Variants in MBNL3 observed in about 807,000 individuals in gnomAD.
MBNL3 encodes the protein muscleblind like splicing regulator 3.
Under a neutral mutation model 24.5 loss-of-function variants are expected in MBNL3, and 6 were observed. That is an observed-to-expected ratio of 0.25 (90% CI 0.13 to 0.48). The LOEUF is 0.48. Ranked by LOEUF, MBNL3 falls within the 20% of genes least tolerant of loss-of-function variation. The pLI is 0.99. For missense variants in MBNL3, 230 were observed against 293.5 expected, an observed-to-expected ratio of 0.78 and a Z score of 1.58; for synonymous variants, 100 against 101.7, an observed-to-expected ratio of 0.98 and a Z score of 0.10.
chrX:132,396,841 TATATAC>T (rs1409898681), intron 3 of MBNL3, among the ~76,000 whole-genome samples: 3 of 58,584 alleles, frequency 5.1e-5, no homozygotes, highest in East Asian at 9.0e-4. Context: ...TATATATTCA[TATATAC>T]ATATATATTC....
Position 132,396,544 on chromosome X carries a change from T to G in MBNL3, c.343-4210A>C, listed in dbSNP as rs755816888. On this transcript the variant is annotated intron_variant, in intron 3 of 8. Coordinates refer to ENST00000370853, the MANE Select transcript of MBNL3 (RefSeq NM_001386889.1). ...TTCATATATATATTCATATATATATTCCTATATATTCCTATATATATTCCT... is the reference window on the plus strand; with the variant it reads ...TTCATATATATATTCATATATATATGCCTATATATTCCTATATATATTCCT... Among the ~76,000 whole-genome samples the G allele has an allele frequency of 2.2e-4, 12 of 55,171 alleles. No individual in the cohort carries two copies. The East Asian group carries it at 5.8e-3, about 27-fold the overall frequency. The allele number at this position is 55,171 out of a possible 115,157, so 47.9% of individuals were successfully genotyped here. A position where few individuals can be genotyped will look rare whatever the true frequency, so the allele number is the denominator to read the frequency against.
intron 5 of MBNL3, among the ~76,000 whole-genome samples, chrX:132,389,174 T>C (rs1251766927): frequency 2.7e-5 from 3 of 112,244 alleles, no homozygotes; most frequent in Non-Finnish European, 5.6e-5. Flanking sequence ...AAGAATTTGG[T>C]AAAGTCTTTT....
At chrX:132,459,412 A>G (rs2148492912) in intron 1 of MBNL3, among the ~76,000 whole-genome samples, 1 of 111,256 alleles carries the variant, frequency 9.0e-6, no homozygotes, top group Admixed American at 9.6e-5. Flanking sequence ...ATATATTTAA[A>G]GGTCTTATAG....
In MBNL3 at chrX:132,392,279, G is replaced by C. The variant is rs1294465897; in HGVS notation, c.398C>G (p.Pro133Arg). 8.3e-7 allele frequency: 1 copy of C among 1,209,075 alleles called. No individual in the cohort carries two copies. The highest frequency in any genetic ancestry group is 1.8e-5 in the South Asian group (1 of 56,507). Residue 133 changes from proline (P) to arginine (R), a missense_variant, in exon 4 of 9, where the codon CCT becomes CGT. Pro to Arg is a moderately radical substitution (Grantham distance 103). Coordinates refer to ENST00000370853, the MANE Select transcript of MBNL3 (RefSeq NM_001386889.1). ...IPANPPMAFN[P>R]YIPHPGMGLV... ...GCCCATCCCAGGATGTGGTATGTAA[G>C]GATTGAAAGCCATGGGAGGATTAGC... is the stretch of plus-strand genomic sequence containing the variant.
chrX:132,401,679 C>A (rs1940961329), intron 3 of MBNL3, among the ~76,000 whole-genome samples: 1 of 109,588 alleles, frequency 9.1e-6, no homozygotes, highest in South Asian at 3.9e-4. Context: ...TAAAATTGTT[C>A]TAGTCCTAAG....
In MBNL3 at chrX:132,375,631, G is replaced by A. The variant is rs1442828129; in HGVS notation, c.*4035C>T. ...GCTATTTATTCTAGTGCCTTCTACA[G>A]GCACTGGTTAAACAAGGCTACTGTC... On this transcript the variant is annotated 3_prime_UTR_variant, in exon 9 of 9. Coordinates refer to ENST00000370853, the MANE Select transcript of MBNL3 (RefSeq NM_001386889.1). The A allele has an allele frequency of 9.0e-6, 1 of 111,658 alleles. No homozygotes were observed. Among genetic ancestry groups the A allele is most frequent in the African/African-American group, 3.2e-5 (1 of 30,816 alleles). The allele number at this position is 111,658 out of a possible 1,213,427, so 9.2% of individuals were successfully genotyped here.
At chrX:132,429,362 A>G (rs960281607) in intron 2 of MBNL3, among the ~76,000 whole-genome samples, 2 of 111,896 alleles carry the variant, frequency 1.8e-5, no homozygotes, top group Non-Finnish European at 3.8e-5. Context: ...CACAGTTACA[A>G]TCCCCAGTTC....
intron 4 of MBNL3, among the ~76,000 whole-genome samples, chrX:132,391,910 C>A (rs941842944): frequency 8.9e-6 from 1 of 111,953 alleles, no homozygotes; most frequent in East Asian, 2.8e-4. Context: ...GCTTCCTGTG[C>A]CATCGCACAG....
chrX:132,476,631 G>C (rs1003802453), intron 1 of MBNL3, among the ~76,000 whole-genome samples: 4 of 111,865 alleles, frequency 3.6e-5, no homozygotes, highest in African/African-American at 1.3e-4. Flanking sequence ...ATACCTTAAA[G>C]TTTCAAATGT....
chrX:132,458,215 A>G (rs1377369699), intron 1 of MBNL3, among the ~76,000 whole-genome samples: 1 of 110,865 alleles, frequency 9.0e-6, no homozygotes, highest in East Asian at 2.8e-4. Context: ...TCATGTTTAC[A>G]TTTTATTTTC....
chrX:132,482,489 G>A (rs957253323), intron 1 of MBNL3, among the ~76,000 whole-genome samples: 2 of 111,042 alleles, frequency 1.8e-5, no homozygotes, highest in African/African-American at 3.3e-5. Flanking sequence ...TATGGCGAGC[G>A]GGACCTACCC....
intron 2 of MBNL3, chrX:132,430,640 A>G (rs1013856739): frequency 4.5e-5 from 5 of 112,275 alleles, no homozygotes; most frequent in African/African-American, 1.6e-4. Context: ...TGGCAGGAAC[A>G]TCACAGAAAT....
chrX:132,463,391 G>A lies in MBNL3; in HGVS notation c.-703-23077C>T, dbSNP rs772560764. On this transcript the variant is annotated intron_variant, in intron 1 of 8. Transcript: ENST00000370853. ...GCAGGAGAATCGCTTGAACCCGGGC[G>A]GGGCAGAGCTTGCAGTGAGCCGAGA... Among the ~76,000 whole-genome samples the A allele has an allele frequency of 4.4e-4, 49 of 110,421 alleles. 1 individual carries two copies. In the East Asian group the frequency reaches 0.013, roughly 29 times the overall value.
intron 3 of MBNL3, among the ~76,000 whole-genome samples, chrX:132,402,713 T>C (rs1030139143): frequency 4.5e-5 from 5 of 111,987 alleles, no homozygotes; most frequent in African/African-American, 9.7e-5. Flanking sequence ...ACCTGTTTAA[T>C]AGAGTGAACA....
intron 1 of MBNL3, among the ~76,000 whole-genome samples, chrX:132,455,847 A>G (rs1313150011): frequency 8.9e-6 from 1 of 112,049 alleles, no homozygotes; most frequent in African/African-American, 3.2e-5. Context: ...CTGAGTTATA[A>G]AGATTCATTG....
In MBNL3 at chrX:132,369,552, T is replaced by C. The variant is rs1285472570; in HGVS notation, c.*10114A>G. The C allele has an allele frequency of 9.0e-6, 1 of 111,396 alleles. No homozygotes were observed. Among genetic ancestry groups the C allele is most frequent in the Non-Finnish European group, 1.9e-5 (1 of 53,061 alleles). 9.2% of individuals were successfully genotyped at this position (111,396 alleles called of 1,213,427 possible). A position where few individuals can be genotyped will look rare whatever the true frequency, so the allele number is the denominator to read the frequency against. Reference sequence around the variant, plus strand: ...TCTTGAAAACTACATTGAACCTCTATGGGTTAATCATCGTCTTCTGTAGCC... The same window carrying C: ...TCTTGAAAACTACATTGAACCTCTACGGGTTAATCATCGTCTTCTGTAGCC... On this transcript the variant is annotated 3_prime_UTR_variant, in exon 9 of 9. Coordinates refer to ENST00000370853, the MANE Select transcript of MBNL3 (RefSeq NM_001386889.1).
chrX:132,415,789 GT>G (rs747606894), intron 2 of MBNL3, among the ~76,000 whole-genome samples: 10 of 111,784 alleles, frequency 8.9e-5, no homozygotes, highest in Admixed American at 9.5e-5. Flanking sequence ...CATGCAGAAA[GT>G]TTTTACTTGG....
intron 2 of MBNL3, chrX:132,411,209 C>T: frequency 2.7e-6 from 2 of 754,353 alleles, no homozygotes; most frequent in Non-Finnish European, 3.1e-6. Context: ...GCTGTCCCAA[C>T]TCTGTTTTCT....
intron 2 of MBNL3, chrX:132,430,942 A>C (rs940557316): frequency 1.7e-4 from 19 of 110,489 alleles, no homozygotes; most frequent in African/African-American, 5.9e-4. Flanking sequence ...TTTTTTTAAA[A>C]ATGTTTTGTA....
Sources: allele counts gnomAD v4.1 joint callset (sites outside exome capture counted in the v4.1 genomes callset), GRCh38; gene constraint gnomAD v4.1.1; transcripts MANE v1.5; gene names NCBI Gene and HGNC (gene_info 2026-07-23, HGNC 2026-07-21).